The following AGXT2 variants were observed in gnomAD, a reference collection of about 807,000 sequenced individuals.
AGXT2 encodes alanine--glyoxylate aminotransferase 2, mitochondrial.
In AGXT2, 61 loss-of-function variants were observed where a neutral mutation model predicts 62.5. The observed-to-expected ratio is 0.98, with a 90% CI of 0.79 to 1.21. The LOEUF is 1.21. AGXT2 is among the 50% of genes most tolerant of loss of function. The probability of loss-of-function intolerance (pLI) is 0.00; values close to 1 mark genes in which losing one functional copy is unlikely to be tolerated. For missense variants in AGXT2, 666 were observed against 641.5 expected, an observed-to-expected ratio of 1.04 and a Z score of -0.41; for synonymous variants, 243 against 218.7, an observed-to-expected ratio of 1.11 and a Z score of -0.98.
At chr5:35,020,681 G>A (rs893729120) in intron 9 of AGXT2, among the ~76,000 whole-genome samples, 13 of 152,124 alleles carry the variant, frequency 8.5e-5, no homozygotes, top group Admixed American at 3.9e-4. Flanking sequence ...GGATGCCCTC[G>A]CTCACCACTC....
intron 3 of AGXT2, among the ~76,000 whole-genome samples, chr5:35,037,604 A>G (rs1425388121): frequency 6.9e-6 from 1 of 143,888 alleles, no homozygotes; most frequent in Non-Finnish European, 1.5e-5. Context: ...GGCAGTGGCT[A>G]TTCACAGGCA....
chr5:35,025,031 T>C (rs191328450), intron 9 of AGXT2, among the ~76,000 whole-genome samples: 9 of 152,028 alleles, frequency 5.9e-5, no homozygotes, highest in Admixed American at 5.9e-4. Context: ...GTCAGAAAGG[T>C]ATATGCTGCC....
chr5:35,010,050 C>T lies in AGXT2; in HGVS notation c.1288G>A (p.Asp430Asn), dbSNP rs749869447. 3.1e-6 allele frequency: 5 copies of T among 1,614,116 alleles called. No homozygotes were observed. The highest frequency in any genetic ancestry group is 4.2e-6 in the Non-Finnish European group (5 of 1,180,054). ...ATCATGAGACCTTTGCCTCGGACGT[C>T]TCCAACAATTTCAAATTCATCCCGC... Reference protein sequence around the residue: ...KLRDEFEIVGDVRGKGLMIGI... With the variant: ...KLRDEFEIVGNVRGKGLMIGI... The change falls in exon 12 of 14, where the codon GAC becomes AAC. Residue 430 changes from aspartate (D) to asparagine (N), a missense_variant. By Grantham distance (23) the Asp-to-Asn change is conservative (BLOSUM62 1). Transcript: ENST00000231420.
At chr5:35,004,711 G>A (rs1015466934) in intron 12 of AGXT2, among the ~76,000 whole-genome samples, 7 of 152,170 alleles carry the variant, frequency 4.6e-5, no homozygotes, top group Non-Finnish European at 1.0e-4. Flanking sequence ...TTTTAAAATG[G>A]TCCTCAGGTG....
chr5:35,013,921 C>T, intron 10 of AGXT2, 66 bp downstream of exon 10: 2 of 1,608,732 alleles, frequency 1.2e-6, no homozygotes, highest in Non-Finnish European at 1.7e-6. Flanking sequence ...AGTTCCAACA[C>T]ACGTGTTATA....
rs1252635226 is a variant in AGXT2 at position 35,009,984 on chromosome 5, G to T, written c.1338+16C>A. 6.2e-7 allele frequency: 1 copy of T among 1,614,002 alleles called. No individual in the cohort carries two copies. On this transcript the variant is annotated intron_variant, in intron 12 of 13. Transcript: ENST00000231420. ...GGCTCCAAGCAGCTGAGAGAGAGGG[G>T]CAGATTAGCACCTACCTTATCCTGC...
intron 2 of AGXT2, 52 bp from the exon 3 acceptor site, chr5:35,039,560 G>A: frequency 6.3e-7 from 1 of 1,576,988 alleles, no homozygotes; most frequent in East Asian, 2.2e-5. Context: ...ATCAATAGCA[G>A]TCAATCTATG....
At position 35,014,128 on chromosome 5, in the gene AGXT2, A is replaced by G; in HGVS notation, c.964-9T>C. 6.2e-7 allele frequency: 1 copy of G among 1,614,020 alleles called. No homozygotes were observed. Among genetic ancestry groups the G allele is most frequent in the Non-Finnish European group, 8.5e-7 (1 of 1,179,970 alleles). On this transcript the variant is annotated splice_polypyrimidine_tract_variant and intron_variant, in intron 9 of 13. Coordinates refer to ENST00000231420, the MANE Select transcript of AGXT2 (RefSeq NM_031900.4). Reference sequence around the variant, plus strand: ...CCAAATCCTGTCTGCACCTGGGAAAACAAGTTCAAAACCATTGGAAACCCT... The same window carrying G: ...CCAAATCCTGTCTGCACCTGGGAAAGCAAGTTCAAAACCATTGGAAACCCT...
intron 9 of AGXT2, among the ~76,000 whole-genome samples, chr5:35,022,897 C>T (rs550997728): frequency 6.6e-6 from 1 of 151,852 alleles, no homozygotes; most frequent in East Asian, 1.9e-4. Flanking sequence ...ATGAAGAATA[C>T]TGTAAACTAG....
At chr5:35,004,533 G>C (rs1045118683) in intron 12 of AGXT2, among the ~76,000 whole-genome samples, 1 of 152,170 alleles carries the variant, frequency 6.6e-6, no homozygotes, top group African/African-American at 2.4e-5. Flanking sequence ...CTTTCTGTGC[G>C]TCCCCTGTCT....
At chr5:35,027,083 T>C in intron 7 of AGXT2, 5 of 867,974 alleles carry the variant, frequency 5.8e-6, no homozygotes, top group Non-Finnish European at 6.9e-6. Flanking sequence ...CTGTGCTTGT[T>C]TTTAACAGGA....
intron 7 of AGXT2, among the ~76,000 whole-genome samples, chr5:35,028,251 T>C (rs1156666267): frequency 6.6e-6 from 1 of 152,146 alleles, no homozygotes; most frequent in African/African-American, 2.4e-5. Flanking sequence ...TTATCCAGGA[T>C]TTTTTAGTTG....
At position 35,033,534 on chromosome 5, in the gene AGXT2, T is replaced by G; in HGVS notation, c.601A>C (p.Ser201Arg). The G allele has an allele frequency of 6.2e-7, 1 of 1,613,804 alleles. No individual in the cohort carries two copies. The highest frequency in any genetic ancestry group is 8.5e-7 in the Non-Finnish European group (1 of 1,179,692). The change falls in exon 6 of 14, where the codon AGT (serine) becomes CGT (arginine). Residue 201 changes from serine (S) to arginine (R), a missense_variant. Coordinates refer to ENST00000231420, the MANE Select transcript of AGXT2 (RefSeq NM_031900.4). The stretch of plus-strand genomic sequence containing the variant: ...TTTGTCAAGCCAAGTGTGTAAGGAC[T>G]GCATCCATGGTAGGCTCCTCTGCAG... ...ISFRGAYHGC[S>R]PYTLGLTNVG...
intron 7 of AGXT2, among the ~76,000 whole-genome samples, chr5:35,030,306 G>A (rs368691975): frequency 4.6e-5 from 7 of 152,268 alleles, no homozygotes; most frequent in African/African-American, 1.7e-4. Context: ...TCAGGAGTTC[G>A]AGACCAGCCT....
intron 12 of AGXT2, among the ~76,000 whole-genome samples, chr5:35,006,465 G>A (rs1050184540): frequency 4.6e-5 from 7 of 152,186 alleles, no homozygotes; most frequent in African/African-American, 7.2e-5. Context: ...AGAAGGCAAA[G>A]GGTGAGCAGA....
At chr5:35,026,903 A>G in intron 7 of AGXT2, 1 of 985,006 alleles carries the variant, frequency 1.0e-6, no homozygotes, top group South Asian at 4.7e-5. Flanking sequence ...TTTGAAAATA[A>G]CTCTATTTAC....
intron 13 of AGXT2, among the ~76,000 whole-genome samples, chr5:35,000,260 C>T (rs1343868871): frequency 2.6e-5 from 4 of 151,752 alleles, no homozygotes; most frequent in Non-Finnish European, 5.9e-5. Context: ...ACTTCCTGAA[C>T]CTCTCCTGTC....
At position 35,040,566 on chromosome 5, in the gene AGXT2, G is replaced by A. The variant is rs1418998476; in HGVS notation, c.177+9C>T. On this transcript the variant is annotated intron_variant, in intron 2 of 13. Transcript: ENST00000231420. ...CCTCTTTGAGTTTTCTTAAAGCCCT[G>A]AATCTCACCTGGTATCTTTCAGGCA... 6.8e-6 allele frequency: 11 copies of A among 1,611,906 alleles called. No homozygotes were observed. Among genetic ancestry groups the A allele is most frequent in the Non-Finnish European group, 9.3e-6 (11 of 1,178,020 alleles).
At chr5:35,035,145 G>T (rs948492390) in intron 5 of AGXT2, 77 bp downstream of exon 5, 14 of 1,259,020 alleles carry the variant, frequency 1.1e-5, no homozygotes, top group Admixed American at 3.4e-5. Context: ...CCCACTCCAT[G>T]CTACAATGTA....
Sources: gnomAD v4.1 joint callset for allele counts (sites outside exome capture counted in the v4.1 genomes callset) on GRCh38, gnomAD v4.1.1 for gene constraint, MANE v1.5 for transcripts, NCBI Gene and HGNC (gene_info 2026-07-23, HGNC 2026-07-21) for gene names.